Variants in PPM1A observed in about 807,000 individuals in gnomAD.
PPM1A encodes protein phosphatase 1A.
Under a neutral mutation model 35.0 loss-of-function variants are expected in PPM1A, and 7 were observed. The ratio of observed to expected loss-of-function variants is 0.20; its 90% CI spans 0.11 to 0.38. The LOEUF is 0.38. Among genes scored for constraint, PPM1A ranks in the 10% least tolerant of loss-of-function variants. The probability of loss-of-function intolerance (pLI) is 1.00; values close to 1 mark genes in which losing one functional copy is unlikely to be tolerated. For missense variants in PPM1A, 239 were observed against 467.8 expected (o/e 0.51, Z 4.51); for synonymous variants, 153 against 167.3 (o/e 0.91, Z 0.66).
intron 1 of PPM1A, among the ~76,000 whole-genome samples, chr14:60,262,871 G>C (rs11158280): frequency 1.3e-5 from 2 of 151,990 alleles, no homozygotes; most frequent in African/African-American, 4.8e-5. Flanking sequence ...GATTCTCTTA[G>C]TGCAATAAAT....
At chr14:60,270,708 C>CTT (rs71291830) in intron 1 of PPM1A, among the ~76,000 whole-genome samples, 56,849 of 145,872 alleles carry the variant, frequency 0.39, 12,945 homozygotes, top group African/African-American at 0.63. Context: ...TGATTTTTCT[C>CTT]GATGCTTGTT....
Position 60,289,828 on chromosome 14 carries a change from A to T in PPM1A, c.975A>T (p.Glu325Asp). 2 of 1,609,746 alleles carry T rather than the reference A, an allele frequency of 1.2e-6. No individual in the cohort carries two copies. The highest frequency in any genetic ancestry group is 1.7e-6 in the Non-Finnish European group (2 of 1,178,538). ...RVEEIIKKQG[E>D]GVPDLVHVMR... Reference sequence around the variant, plus strand: ...CAGAAATCATAAAGAAGCAGGGGGAAGGCGTCCCCGACTTAGTCCATGTGA... The same window carrying T: ...CAGAAATCATAAAGAAGCAGGGGGATGGCGTCCCCGACTTAGTCCATGTGA... The change falls in exon 4 of 6, where the codon GAA (glutamate) becomes GAT (aspartate). Residue 325 changes from glutamate to aspartate, a missense_variant. Glu to Asp is a conservative substitution (Grantham distance 45). Coordinates refer to ENST00000395076, the MANE Select transcript of PPM1A (RefSeq NM_021003.5). This position sits in a 1 kb window ranked among gnomAD's most constrained non-coding sequence, Gnocchi z 4.1.
In PPM1A at chr14:60,282,964, G is replaced by C. The variant is rs775119723; in HGVS notation, c.261G>C (p.Gly87=). The C allele has an allele frequency of 6.2e-7, 1 of 1,614,236 alleles. No individual in the cohort carries two copies. Among genetic ancestry groups the C allele is most frequent in the Non-Finnish European group, 8.5e-7 (1 of 1,180,038 alleles). Residue 87 remains glycine (G), a synonymous_variant, in exon 2 of 6, where the codon GGG becomes GGC. Transcript: ENST00000395076. The surrounding 1 kb of genome is among the most constrained non-coding windows in gnomAD (Gnocchi z 5.1). ...DHITNNQDFK[G]SAGAPSVENV... is the part of the protein sequence containing the mutation. ...TCACCAATAACCAGGATTTTAAAGG[G>C]TCTGCAGGAGCACCTTCTGTGGAAA...
intron 2 of PPM1A, among the ~76,000 whole-genome samples, chr14:60,284,351 T>C (rs149692953): frequency 2.0e-5 from 3 of 152,278 alleles, no homozygotes; most frequent in East Asian, 1.9e-4. Flanking sequence ...TAGTATCTTA[T>C]AAGACTGTTG....
intron 1 of PPM1A, among the ~76,000 whole-genome samples, chr14:60,254,026 ATAAT>A (rs1286675759): frequency 2.6e-5 from 4 of 152,188 alleles, no homozygotes; most frequent in African/African-American, 9.7e-5. Context: ...ATTTAATGAA[ATAAT>A]TATATAAAGC....
intron 4 of PPM1A, 106 bp from the exon 5 acceptor site, chr14:60,291,291 C>A: frequency 4.3e-6 from 3 of 699,190 alleles, no homozygotes; most frequent in Non-Finnish European, 6.8e-6. Flanking sequence ...AAAATAATAT[C>A]TGAGTATAAG....
At position 60,283,596 on chromosome 14, in the gene PPM1A, A is replaced by C. The variant is rs1886624537; in HGVS notation, c.834+59A>C. 1.2e-5 allele frequency: 18 copies of C among 1,487,076 alleles called. No individual in the cohort carries two copies. Among genetic ancestry groups the C allele is most frequent in the Non-Finnish European group, 1.4e-5 (16 of 1,110,476 alleles). The allele number at this position is 1,487,076 out of a possible 1,614,324, so 92.1% of individuals were successfully genotyped here. On this transcript the variant is annotated intron_variant, in intron 2 of 5. Coordinates refer to ENST00000395076, the MANE Select transcript of PPM1A (RefSeq NM_021003.5). The surrounding 1 kb of genome is among the most constrained non-coding windows in gnomAD (Gnocchi z 6.3). ...TTTATGCCATATTAATCACTACTCT[A>C]GTATTTAATCATCTTAGAATCTGTA... is the stretch of plus-strand genomic sequence containing the variant.
chr14:60,246,833 G>A (rs551034419), upstream of PPM1A, among the ~76,000 whole-genome samples: 6 of 152,186 alleles, frequency 3.9e-5, no homozygotes, highest in East Asian at 7.7e-4. Flanking sequence ...CTGCTTTATC[G>A]GCAGTCTGTA....
In PPM1A at chr14:60,297,284, G is replaced by C. The variant is rs537797330; in HGVS notation, c.*4802G>C. ...AAATGGCAGTGGGATAGGTAGGGAA[G>C]GATTACTCTTAATTGTTTTAAAAGC... On this transcript the variant is annotated 3_prime_UTR_variant, in exon 6 of 6. Coordinates refer to ENST00000395076, the MANE Select transcript of PPM1A (RefSeq NM_021003.5). 1.2e-4 allele frequency: 18 copies of C among 151,706 alleles called. No individual in the cohort carries two copies. The highest frequency in any genetic ancestry group is 4.1e-4 in the African/African-American group (17 of 41,490). The allele number at this position is 151,706 out of a possible 1,614,324, so 9.4% of individuals were successfully genotyped here.
At chr14:60,252,958 T>C (rs1361630220) in intron 1 of PPM1A, among the ~76,000 whole-genome samples, 3 of 152,178 alleles carry the variant, frequency 2.0e-5, no homozygotes, top group East Asian at 1.9e-4. Flanking sequence ...AAGTAAGCAA[T>C]TGAGAGAGGC....
rs1264397726 is a variant in PPM1A at position 60,295,263 on chromosome 14, T to C, written c.*2781T>C. The C allele has an allele frequency of 6.6e-6, 1 of 151,800 alleles. No individual in the cohort carries two copies. The highest frequency in any genetic ancestry group is 1.9e-4 in the East Asian group (1 of 5,192). 9.4% of individuals were successfully genotyped at this position (151,800 alleles called of 1,614,324 possible). ...AAAAATTTCACTGATCTTTCTTTCA[T>C]TAACAGGGTAGAATCTCCTAATTTC... On this transcript the variant is annotated 3_prime_UTR_variant, in exon 6 of 6. Coordinates refer to ENST00000395076, the MANE Select transcript of PPM1A (RefSeq NM_021003.5).
At position 60,294,504 on chromosome 14, in the gene PPM1A, T is replaced by A. The variant is rs927744394; in HGVS notation, c.*2022T>A. ...TTAATGAATACCAGTGCTTCTAGTA[T>A]AGACTAATTACCAGACATACTGGTA... On this transcript the variant is annotated 3_prime_UTR_variant, in exon 6 of 6. Transcript: ENST00000395076. The A allele has an allele frequency of 6.6e-6, 1 of 151,914 alleles. No individual in the cohort carries two copies. Among genetic ancestry groups the A allele is most frequent in the Non-Finnish European group, 1.5e-5 (1 of 67,858 alleles). 9.4% of individuals were successfully genotyped at this position (151,914 alleles called of 1,614,324 possible).
chr14:60,249,365 G>T lies in PPM1A; in HGVS notation c.-333G>T, dbSNP rs1265191513. On this transcript the variant is annotated 5_prime_UTR_variant, in exon 1 of 6. Coordinates refer to ENST00000395076, the MANE Select transcript of PPM1A (RefSeq NM_021003.5). The surrounding 1 kb of genome is among the most constrained non-coding windows in gnomAD (Gnocchi z 4.5). ...GGAACGGGTGGTTGGGGAGGGGGGG[G>T]TGGGGGGACTCTAGACAGCTGAGGC... 4.2e-6 allele frequency: 3 copies of T among 706,908 alleles called. No homozygotes were observed. Among genetic ancestry groups the T allele is most frequent in the Middle Eastern group, 6.9e-4 (1 of 1,450 alleles). 43.8% of individuals were successfully genotyped at this position (706,908 alleles called of 1,614,324 possible). A position where few individuals can be genotyped will look rare whatever the true frequency, so the allele number is the denominator to read the frequency against.
At chr14:60,288,736 C>G (rs1010091606) in intron 3 of PPM1A, among the ~76,000 whole-genome samples, 4 of 151,968 alleles carry the variant, frequency 2.6e-5, no homozygotes, top group Non-Finnish European at 4.4e-5. Context: ...TCTTTATACA[C>G]ATTGTTATTT....
rs761013328 is a variant in PPM1A at position 60,292,510 on chromosome 14, C to T, written c.*28C>T. On this transcript the variant is annotated 3_prime_UTR_variant, in exon 6 of 6. Coordinates refer to ENST00000395076, the MANE Select transcript of PPM1A (RefSeq NM_021003.5). The surrounding 1 kb of genome is among the most constrained non-coding windows in gnomAD (Gnocchi z 4.2). ...CTGCTCATCTAGCCATGGAGTTTAC[C>T]TTCACCTCCAAAGGAGAGTACAGCT... The T allele has an allele frequency of 1.3e-6, 2 of 1,569,916 alleles. No individual in the cohort carries two copies. The highest frequency in any genetic ancestry group is 1.8e-6 in the Non-Finnish European group (2 of 1,141,548).
At chr14:60,268,509 A>AT in intron 1 of PPM1A, 2 of 569,320 alleles carry the variant, frequency 3.5e-6, no homozygotes, top group Non-Finnish European at 4.4e-6. Flanking sequence ...TACCTATTTT[A>AT]TTTTTTTCAC....
chr14:60,257,243 C>T (rs898958494), intron 1 of PPM1A, among the ~76,000 whole-genome samples: 5 of 152,186 alleles, frequency 3.3e-5, no homozygotes, highest in Admixed American at 1.3e-4. Flanking sequence ...TAGTCTTAAA[C>T]ACAAGCTAGC....
Position 60,282,769 on chromosome 14 carries a change from G to A in PPM1A, c.66G>A (p.Leu22=). The change falls in exon 2 of 6, where the codon TTG becomes TTA. Residue 22 remains leucine, a synonymous_variant. Transcript: ENST00000395076. This position sits in a 1 kb window ranked among gnomAD's most constrained non-coding sequence, Gnocchi z 5.1. ...KHNAQGQGNG[L]RYGLSSMQGW... is the part of the protein sequence containing the mutation. Reference sequence around the variant, plus strand: ...ATGCCCAGGGGCAGGGTAATGGGTTGCGATATGGGCTAAGCAGCATGCAAG... The same window carrying A: ...ATGCCCAGGGGCAGGGTAATGGGTTACGATATGGGCTAAGCAGCATGCAAG... 2 of 1,614,248 alleles carry A rather than the reference G, an allele frequency of 1.2e-6. No homozygotes were observed. Among genetic ancestry groups the A allele is most frequent in the Non-Finnish European group, 1.7e-6 (2 of 1,180,046 alleles).
At chr14:60,270,424 T>A (rs1381638670) in intron 1 of PPM1A, among the ~76,000 whole-genome samples, 1 of 152,138 alleles carries the variant, frequency 6.6e-6, no homozygotes, top group Non-Finnish European at 1.5e-5. Flanking sequence ...TTTTAGTTAC[T>A]TTTTTATTTC....
Sources: gnomAD v4.1 joint callset for allele counts (sites outside exome capture counted in the v4.1 genomes callset) on GRCh38, gnomAD v4.1.1 for gene constraint, Gnocchi (gnomAD v3.1) non-coding constraint, MANE v1.5 for transcripts, NCBI Gene and HGNC (gene_info 2026-07-23, HGNC 2026-07-21) for gene names.